The following CCDC185 variants were observed in gnomAD, a reference collection of about 807,000 sequenced individuals.
CCDC185 encodes coiled-coil domain-containing protein 185.
For missense variants in CCDC185, 982 were observed against 825.3 expected, an observed-to-expected ratio of 1.19 and a Z score of -2.33; for synonymous variants, 381 against 348.1, an observed-to-expected ratio of 1.09 and a Z score of -1.05.
Position 223,395,282 on chromosome 1 carries a change from A to T in CCDC185, c.1807A>T (p.Ser603Cys). ...GAGAGAGGAGAGAGCGCCTCCCAAC[A>T]GCTCCCTTGATCAGATGGTACTAGA... ...SRREERAPPN[S>C]SLDQMVLEAQ... Residue 603 changes from serine to cysteine, a missense_variant, in exon 1 of 1, where the codon AGC becomes TGC. Transcript: ENST00000366875. 1 of 1,565,308 alleles carries T rather than the reference A, an allele frequency of 6.4e-7. No individual in the cohort carries two copies. The highest frequency in any genetic ancestry group is 8.6e-7 in the Non-Finnish European group (1 of 1,160,372).
chr1:223,393,458 G>A lies in CCDC185; in HGVS notation c.-18G>A, dbSNP rs202074898. 3.1e-4 allele frequency: 452 copies of A among 1,444,198 alleles called. 2 individuals are homozygous for A. In the African/African-American group the frequency reaches 6.0e-3, roughly 19 times the overall value. The allele number at this position is 1,444,198 out of a possible 1,614,324, so 89.5% of individuals were successfully genotyped here. On this transcript the variant is annotated 5_prime_UTR_variant, in exon 1 of 1. Transcript: ENST00000366875. This position sits in a 1 kb window ranked among gnomAD's most constrained non-coding sequence, Gnocchi z 4.8. Reference sequence around the variant, plus strand: ...CTCAGGCCCCTTGGGCAGACGCTGCGCGTGCCCAGAGGGAGGGATGGCAGG... The same window carrying A: ...CTCAGGCCCCTTGGGCAGACGCTGCACGTGCCCAGAGGGAGGGATGGCAGG...
Position 223,394,285 on chromosome 1 carries a change from C to G in CCDC185, c.810C>G (p.Ala270=). ...TGGTGCTGACCCGTCTCAAGAAGGC[C>G]CAGAGGATACGGGAGCTGCAGCAGC... ...VALVLTRLKK[A]QRIRELQQQA... The change falls in exon 1 of 1, where the codon GCC becomes GCG. Residue 270 remains alanine (A), a synonymous_variant. Coordinates refer to ENST00000366875, the MANE Select transcript of CCDC185 (RefSeq NM_152610.3). 1 of 1,613,404 alleles carries G rather than the reference C, an allele frequency of 6.2e-7. No homozygotes were observed. The highest frequency in any genetic ancestry group is 1.3e-5 in the African/African-American group (1 of 75,020).
In CCDC185 at chr1:223,395,126, G is replaced by A. The variant is rs370521807; in HGVS notation, c.1651G>A (p.Glu551Lys). ...CCACCACATCCTGAAACTGAAAGCC[G>A]AGAAGGAGGAAAAGTGTCACATTGA... Reference protein sequence around the residue: ...KNHHILKLKAEKEEKCHIEGI... With the variant: ...KNHHILKLKAKKEEKCHIEGI... Residue 551 changes from glutamate to lysine, a missense_variant, in exon 1 of 1, where the codon GAG (glutamate) becomes AAG (lysine). Coordinates refer to ENST00000366875, the MANE Select transcript of CCDC185 (RefSeq NM_152610.3). The A allele has an allele frequency of 4.3e-6, 7 of 1,614,128 alleles. No individual in the cohort carries two copies. Among genetic ancestry groups the A allele is most frequent in the Non-Finnish European group, 5.9e-6 (7 of 1,180,028 alleles).
rs745462770 is a variant in CCDC185 at position 223,394,550 on chromosome 1, G to C, written c.1075G>C (p.Glu359Gln). 2.5e-6 allele frequency: 4 copies of C among 1,602,672 alleles called. No individual in the cohort carries two copies. Among genetic ancestry groups the C allele is most frequent in the Non-Finnish European group, 3.4e-6 (4 of 1,175,144 alleles). Residue 359 changes from glutamate (E) to glutamine (Q), a missense_variant, in exon 1 of 1, where the codon GAG (glutamate) becomes CAG (glutamine). By Grantham distance (29) the Glu-to-Gln change is conservative. Transcript: ENST00000366875. ...QPEDQESPRQEKLEKARAQAE... is the reference protein window; with the variant it reads ...QPEDQESPRQQKLEKARAQAE... ...AGAGGACCAGGAGAGCCCGCGCCAG[G>C]AGAAGCTGGAGAAGGCGCGCGCCCA...
At position 223,393,782 on chromosome 1, in the gene CCDC185, A is replaced by G. The variant is rs865791003; in HGVS notation, c.307A>G (p.Ser103Gly). 6.4e-7 allele frequency: 1 copy of G among 1,570,364 alleles called. No individual in the cohort carries two copies. The highest frequency in any genetic ancestry group is 8.6e-7 in the Non-Finnish European group (1 of 1,159,750). Residue 103 changes from serine (S) to glycine (G), a missense_variant, in exon 1 of 1, where the codon AGC (serine) becomes GGC (glycine). Physicochemically the swap from Ser to Gly is moderately conservative, Grantham distance 56. Transcript: ENST00000366875. This position sits in a 1 kb window ranked among gnomAD's most constrained non-coding sequence, Gnocchi z 4.8. ...LERSRKHRPR[S>G]RRLEDAWGET... Reference sequence around the variant, plus strand: ...ACGTTCCAGGAAGCACCGGCCCCGCAGCAGGCGCCTGGAAGATGCCTGGGG... The same window carrying G: ...ACGTTCCAGGAAGCACCGGCCCCGCGGCAGGCGCCTGGAAGATGCCTGGGG...
chr1:223,394,678 G>A lies in CCDC185; in HGVS notation c.1203G>A (p.Leu401=). The change falls in exon 1 of 1, where the codon CTG becomes CTA. Residue 401 remains leucine, a synonymous_variant. Transcript: ENST00000366875. ...EQHSLQLQRR[L]VEACRKRHLH... ...ACAGCCTGCAGCTGCAGAGGAGGCT[G>A]GTGGAAGCCTGTCGCAAGAGGCACC... The A allele has an allele frequency of 6.2e-7, 1 of 1,612,812 alleles. No homozygotes were observed. The highest frequency in any genetic ancestry group is 8.5e-7 in the Non-Finnish European group (1 of 1,179,770).
chr1:223,395,165 G>C lies in CCDC185; in HGVS notation c.1690G>C (p.Ala564Pro). The C allele has an allele frequency of 6.2e-7, 1 of 1,614,102 alleles. No individual in the cohort carries two copies. Among genetic ancestry groups the C allele is most frequent in the Non-Finnish European group, 8.5e-7 (1 of 1,180,024 alleles). ...GTGTCACATTGAGGGCATCAAGGAG[G>C]CCATTAAGAAAAAGGAGCAGAGGGT... Reference protein sequence around the residue: ...EKCHIEGIKEAIKKKEQRVQH... With the variant: ...EKCHIEGIKEPIKKKEQRVQH... The change falls in exon 1 of 1, where the codon GCC (alanine) becomes CCC (proline). Residue 564 changes from alanine (A) to proline (P), a missense_variant. Transcript: ENST00000366875.
chr1:223,394,472 G>C lies in CCDC185; in HGVS notation c.997G>C (p.Asp333His). Residue 333 changes from aspartate (D) to histidine (H), a missense_variant, in exon 1 of 1, where the codon GAC (aspartate) becomes CAC (histidine). Physicochemically the swap from Asp to His is moderately conservative, Grantham distance 81. Transcript: ENST00000366875. ...CCCTGAGCAGCGCGGCCTGCGGCGG[G>C]ACAGCCAGAGGAAGAACGTGCCCCC... ...QSPEQRGLRR[D>H]SQRKNVPPGE... The C allele has an allele frequency of 6.4e-7, 1 of 1,573,468 alleles. No homozygotes were observed. The highest frequency in any genetic ancestry group is 8.6e-7 in the Non-Finnish European group (1 of 1,160,336).
Position 223,394,766 on chromosome 1 carries a change from C to A in CCDC185, c.1291C>A (p.Gln431Lys). The A allele has an allele frequency of 6.2e-7, 1 of 1,612,444 alleles. No homozygotes were observed. The highest frequency in any genetic ancestry group is 8.5e-7 in the Non-Finnish European group (1 of 1,178,846). ...CAACCTGAGCTCCCTCATCAATTACCAGGCCCGGAAGGTCCTCATGGACTG... is the reference window on the plus strand; with the variant it reads ...CAACCTGAGCTCCCTCATCAATTACAAGGCCCGGAAGGTCCTCATGGACTG... ...DTNLSSLINY[Q>K]ARKVLMDCQA... is the part of the protein sequence containing the mutation. Residue 431 changes from glutamine (Q) to lysine (K), a missense_variant, in exon 1 of 1, where the codon CAG becomes AAG. Transcript: ENST00000366875.
rs1409263787 is a variant in CCDC185 at position 223,395,161 on chromosome 1, G to C, written c.1686G>C (p.Lys562Asn). The change falls in exon 1 of 1, where the codon AAG (lysine) becomes AAC (asparagine). Residue 562 changes from lysine (K) to asparagine (N), a missense_variant. Physicochemically the swap from Lys to Asn is moderately conservative, Grantham distance 94. Transcript: ENST00000366875. ...AAAAGTGTCACATTGAGGGCATCAAGGAGGCCATTAAGAAAAAGGAGCAGA... is the reference window on the plus strand; with the variant it reads ...AAAAGTGTCACATTGAGGGCATCAACGAGGCCATTAAGAAAAAGGAGCAGA... ...KEEKCHIEGI[K>N]EAIKKKEQRV... is the part of the protein sequence containing the mutation. The C allele has an allele frequency of 2.5e-6, 4 of 1,614,094 alleles. No homozygotes were observed. The highest frequency in any genetic ancestry group is 3.4e-6 in the Non-Finnish European group (4 of 1,180,012).
chr1:223,394,606 G>A lies in CCDC185; in HGVS notation c.1131G>A (p.Arg377=), dbSNP rs1669622633. ...AGCACCGAAAACAGTGCCAGGTGCG[G>A]CGCCTGCGGGAGCAGGAGAAGATGC... ...QAEHRKQCQV[R]RLREQEKMLR... The change falls in exon 1 of 1, where the codon CGG becomes CGA. Residue 377 remains arginine, a synonymous_variant. Coordinates refer to ENST00000366875, the MANE Select transcript of CCDC185 (RefSeq NM_152610.3). 1 of 1,612,450 alleles carries A rather than the reference G, an allele frequency of 6.2e-7. No individual in the cohort carries two copies. The highest frequency in any genetic ancestry group is 8.5e-7 in the Non-Finnish European group (1 of 1,179,514).
Position 223,394,285 on chromosome 1 carries a change from C to T in CCDC185, c.810C>T (p.Ala270=). 2 of 1,613,404 alleles carry T rather than the reference C, an allele frequency of 1.2e-6. No individual in the cohort carries two copies. Among genetic ancestry groups the T allele is most frequent in the East Asian group, 4.5e-5 (2 of 44,770 alleles). Residue 270 remains alanine, a synonymous_variant, in exon 1 of 1, where the codon GCC becomes GCT. Coordinates refer to ENST00000366875, the MANE Select transcript of CCDC185 (RefSeq NM_152610.3). ...VALVLTRLKK[A]QRIRELQQQA... ...TGGTGCTGACCCGTCTCAAGAAGGC[C>T]CAGAGGATACGGGAGCTGCAGCAGC... is the stretch of plus-strand genomic sequence containing the variant.
chr1:223,393,659 C>A lies in CCDC185; in HGVS notation c.184C>A (p.Pro62Thr), dbSNP rs763748776. The A allele has an allele frequency of 1.3e-5, 20 of 1,562,088 alleles. No homozygotes were observed. The highest frequency in any genetic ancestry group is 1.7e-6 in the Non-Finnish European group (2 of 1,159,158). The change falls in exon 1 of 1, where the codon CCG becomes ACG. Residue 62 changes from proline to threonine, a missense_variant. Physicochemically the swap from Pro to Thr is conservative, Grantham distance 38. Coordinates refer to ENST00000366875, the MANE Select transcript of CCDC185 (RefSeq NM_152610.3). The surrounding 1 kb of genome is among the most constrained non-coding windows in gnomAD (Gnocchi z 4.8). Reference protein sequence around the residue: ...ESEAGACWLHPHCSFTPRPRR... With the variant: ...ESEAGACWLHTHCSFTPRPRR... ...CGAAGCTGGGGCGTGCTGGCTGCAC[C>A]CGCACTGTTCGTTCACCCCGCGGCC...
rs777942218 is a variant in CCDC185 at position 223,394,608 on chromosome 1, G to A, written c.1133G>A (p.Arg378His). The change falls in exon 1 of 1, where the codon CGC becomes CAC. Residue 378 changes from arginine (R) to histidine (H), a missense_variant. Physicochemically the swap from Arg to His is conservative, Grantham distance 29. Transcript: ENST00000366875. ...AEHRKQCQVR[R>H]LREQEKMLRN... The stretch of plus-strand genomic sequence containing the variant: ...CACCGAAAACAGTGCCAGGTGCGGC[G>A]CCTGCGGGAGCAGGAGAAGATGCTA... 4 of 1,612,566 alleles carry A rather than the reference G, an allele frequency of 2.5e-6. No individual in the cohort carries two copies. Among genetic ancestry groups the A allele is most frequent in the Non-Finnish European group, 3.4e-6 (4 of 1,179,580 alleles).
At position 223,394,460 on chromosome 1, in the gene CCDC185, G is replaced by C. The variant is rs1173730581; in HGVS notation, c.985G>C (p.Gly329Arg). The change falls in exon 1 of 1, where the codon GGC becomes CGC. Residue 329 changes from glycine (G) to arginine (R), a missense_variant. Physicochemically the swap from Gly to Arg is moderately radical, Grantham distance 125. Transcript: ENST00000366875. ...RKTLQSPEQRGLRRDSQRKNV... is the reference protein window; with the variant it reads ...RKTLQSPEQRRLRRDSQRKNV... The stretch of plus-strand genomic sequence containing the variant: ...GACCCTCCAGAGCCCTGAGCAGCGC[G>C]GCCTGCGGCGGGACAGCCAGAGGAA... 1 of 1,571,926 alleles carries C rather than the reference G, an allele frequency of 6.4e-7. No homozygotes were observed. Among genetic ancestry groups the C allele is most frequent in the Admixed American group, 1.9e-5 (1 of 53,076 alleles).
At position 223,395,248 on chromosome 1, in the gene CCDC185, G is replaced by T; in HGVS notation, c.1773G>T (p.Gln591His). The change falls in exon 1 of 1, where the codon CAG (glutamine) becomes CAT (histidine). Residue 591 changes from glutamine to histidine, a missense_variant. Coordinates refer to ENST00000366875, the MANE Select transcript of CCDC185 (RefSeq NM_152610.3). ...TCCAGGAGTTCCAGAAGCTCCCTCA[G>T]GCCTCCAGGAGAGAGGAGAGAGCGC... ...PNFQEFQKLP[Q>H]ASRREERAPP... 3.1e-6 allele frequency: 5 copies of T among 1,606,918 alleles called. No individual in the cohort carries two copies. The highest frequency in any genetic ancestry group is 4.2e-6 in the Non-Finnish European group (5 of 1,177,290).
At position 223,395,264 on chromosome 1, in the gene CCDC185, G is replaced by A. The variant is rs769440671; in HGVS notation, c.1789G>A (p.Glu597Lys). 1.9e-6 allele frequency: 3 copies of A among 1,585,904 alleles called. No homozygotes were observed. Among genetic ancestry groups the A allele is most frequent in the African/African-American group, 2.7e-5 (2 of 73,500 alleles). ...QKLPQASRREERAPPNSSLDQ... is the reference protein window; with the variant it reads ...QKLPQASRREKRAPPNSSLDQ... ...GCTCCCTCAGGCCTCCAGGAGAGAG[G>A]AGAGAGCGCCTCCCAACAGCTCCCT... The change falls in exon 1 of 1, where the codon GAG (glutamate) becomes AAG (lysine). Residue 597 changes from glutamate (E) to lysine (K), a missense_variant. Transcript: ENST00000366875.
At position 223,394,359 on chromosome 1, in the gene CCDC185, A is replaced by C. The variant is rs765854757; in HGVS notation, c.884A>C (p.Gln295Pro). Residue 295 changes from glutamine (Q) to proline (P), a missense_variant, in exon 1 of 1, where the codon CAG becomes CCG. Transcript: ENST00000366875. Reference sequence around the variant, plus strand: ...CTGAAGCGCTCGGATCAGAAGGTCCAGATGACCCTGGAGCGGGAGCGCCGG... The same window carrying C: ...CTGAAGCGCTCGGATCAGAAGGTCCCGATGACCCTGGAGCGGGAGCGCCGG... ...EELKRSDQKV[Q>P]MTLERERRLL... 7.6e-6 allele frequency: 12 copies of C among 1,587,246 alleles called. No individual in the cohort carries two copies. The highest frequency in any genetic ancestry group is 9.4e-6 in the Non-Finnish European group (11 of 1,167,028).
chr1:223,394,933 G>T lies in CCDC185; in HGVS notation c.1458G>T (p.Gln486His). 1 of 1,614,180 alleles carries T rather than the reference G, an allele frequency of 6.2e-7. No individual in the cohort carries two copies. Among genetic ancestry groups the T allele is most frequent in the Non-Finnish European group, 8.5e-7 (1 of 1,180,040 alleles). ...CCCAGAAGGAGGAAGAGCAGTTGCAGCAGGCCAGGTGGCGCGCAGGGGAGT... is the reference window on the plus strand; with the variant it reads ...CCCAGAAGGAGGAAGAGCAGTTGCATCAGGCCAGGTGGCGCGCAGGGGAGT... ...EKAQKEEEQL[Q>H]QARWRAGESE... The change falls in exon 1 of 1, where the codon CAG (glutamine) becomes CAT (histidine). Residue 486 changes from glutamine to histidine, a missense_variant. Gln to His is a conservative substitution (Grantham distance 24). Coordinates refer to ENST00000366875, the MANE Select transcript of CCDC185 (RefSeq NM_152610.3).
Sources: allele counts gnomAD v4.1 joint callset, GRCh38; gene constraint gnomAD v4.1.1; non-coding constraint Gnocchi (gnomAD v3.1); transcripts MANE v1.5; gene names NCBI Gene and HGNC (gene_info 2026-07-23, HGNC 2026-07-21).